TUBGCP4: variants seen among roughly 807,000 people sequenced by gnomAD.
TUBGCP4 encodes the protein gamma-tubulin complex component 4.
A neutral mutation model predicts 91.6 loss-of-function variants in TUBGCP4; 54 were observed. The ratio of observed to expected loss-of-function variants is 0.59; its 90% confidence interval spans 0.47 to 0.74. TUBGCP4 has a LOEUF of 0.74. Among genes scored for constraint, TUBGCP4 ranks in the 30% least tolerant of loss-of-function variants. The pLI, the probability that TUBGCP4 is intolerant of heterozygous loss-of-function variation, is 0.00. For missense variants in TUBGCP4, 593 were observed against 800.9 expected (o/e 0.74, Z 3.13); for synonymous variants, 297 against 302.8 (o/e 0.98, Z 0.20).
intron 4 of TUBGCP4, 194 bp from the exon 5 acceptor site, chr15:43,377,653 C>T (rs918609219): frequency 1.2e-5 from 6 of 515,062 alleles, no homozygotes; most frequent in African/African-American, 6.2e-5. Flanking sequence ...AAGAAACTGC[C>T]TCTCTCTGCC....
chr15:43,375,567 CTAAA>C (rs1490135498), intron 1 of TUBGCP4, among the ~76,000 whole-genome samples: 4 of 152,032 alleles, frequency 2.6e-5, no homozygotes, highest in Non-Finnish European at 5.9e-5. Context: ...AATATGGACA[CTAAA>C]TATATATGGC....
Position 43,377,828 on chromosome 15 carries a change from A to G in TUBGCP4, c.385-19A>G. On this transcript the variant is annotated intron_variant, in intron 4 of 17. Transcript: ENST00000564079. Reference sequence around the variant, plus strand: ...TTACATTTGATTACATACCCTTCTAATTATTCTCTACTTTGCAGTTCCAGC... The same window carrying G: ...TTACATTTGATTACATACCCTTCTAGTTATTCTCTACTTTGCAGTTCCAGC... The G allele has an allele frequency of 6.3e-7, 1 of 1,584,068 alleles. No individual in the cohort carries two copies. The highest frequency in any genetic ancestry group is 8.6e-7 in the Non-Finnish European group (1 of 1,163,896).
At chr15:43,404,897 C>T in intron 17 of TUBGCP4, 2 of 495,594 alleles carry the variant, frequency 4.0e-6, no homozygotes, top group Non-Finnish European at 7.1e-6. Flanking sequence ...CTAGCTTCCG[C>T]ATCTGTGAAA....
Position 43,403,781 on chromosome 15 carries a change from G to C in TUBGCP4, c.1830G>C (p.Gln610His). 3.1e-6 allele frequency: 5 copies of C among 1,613,902 alleles called. No individual in the cohort carries two copies. Among genetic ancestry groups the C allele is most frequent in the Non-Finnish European group, 4.2e-6 (5 of 1,179,878 alleles). ...LGPLDERGAAQLSILVKGFSR... is the reference protein window; with the variant it reads ...LGPLDERGAAHLSILVKGFSR... Reference sequence around the variant, plus strand: ...CACTGGATGAGCGTGGAGCCGCCCAGCTGAGCATTCTCGTGAAGGTGCGTC... The same window carrying C: ...CACTGGATGAGCGTGGAGCCGCCCACCTGAGCATTCTCGTGAAGGTGCGTC... The change falls in exon 16 of 18, where the codon CAG becomes CAC. Residue 610 changes from glutamine to histidine, a missense_variant. Transcript: ENST00000564079.
chr15:43,371,426 C>T lies in TUBGCP4; in HGVS notation c.72C>T (p.Gly24=), dbSNP rs760985266. Residue 24 remains glycine (G), a synonymous_variant, in exon 1 of 18, where the codon GGC becomes GGT. Transcript: ENST00000564079. ...TTTTCACCTGGAACAAGCGGAGTGG[C>T]CTGCAGGTACTGTCCGGCGCAGAGC... The part of the protein sequence containing the change: ...GSIFTWNKRS[G]LQVSQDFPFL... 42 of 1,613,910 alleles carry T rather than the reference C, an allele frequency of 2.6e-5. No individual in the cohort carries two copies. Among genetic ancestry groups the T allele is most frequent in the Non-Finnish European group, 3.2e-5 (38 of 1,179,992 alleles).
intron 11 of TUBGCP4, 149 bp from the exon 12 acceptor site, chr15:43,397,065 G>T: frequency 1.5e-6 from 1 of 658,268 alleles, no homozygotes; most frequent in Non-Finnish European, 2.8e-6. Context: ...AAGAAGAGAA[G>T]GATGGATGGG....
chr15:43,406,626 T>TAGAG lies in TUBGCP4; in HGVS notation c.*1414_*1417dup, dbSNP rs1481223418. Reference sequence around the variant, plus strand: ...AAAAAAACCTTGTTGACCCCTGCTTTAGAGAATGAGAAGCCATGCAGGGAT... The same window carrying TAGAG: ...AAAAAAACCTTGTTGACCCCTGCTTTAGAGAGAGAATGAGAAGCCATGCAGGGAT... On this transcript the variant is annotated 3_prime_UTR_variant, in exon 18 of 18. Transcript: ENST00000564079. 4.4e-6 allele frequency: 2 copies of TAGAG among 456,024 alleles called. No individual in the cohort carries two copies. Among genetic ancestry groups the TAGAG allele is most frequent in the East Asian group, 1.4e-4 (2 of 14,398 alleles). 28.2% of individuals were successfully genotyped at this position (456,024 alleles called of 1,614,324 possible).
chr15:43,379,747 A>G (rs1488718778), intron 5 of TUBGCP4, among the ~76,000 whole-genome samples: 1 of 152,220 alleles, frequency 6.6e-6, no homozygotes, highest in Non-Finnish European at 1.5e-5. Context: ...TGAAATAAAA[A>G]GCTTTCCTTG....
At chr15:43,377,479 C>T (rs535687160) in intron 4 of TUBGCP4, 13 of 292,062 alleles carry the variant, frequency 4.5e-5, no homozygotes, top group South Asian at 1.9e-4. Context: ...AAAAATTAGT[C>T]GGTTGTGGTG....
intron 5 of TUBGCP4, among the ~76,000 whole-genome samples, chr15:43,378,657 A>G (rs1235091532): frequency 6.6e-6 from 1 of 152,222 alleles, no homozygotes; most frequent in Non-Finnish European, 1.5e-5. Context: ...GTGCTCTGCT[A>G]TGTTCATGCT....
At chr15:43,371,494 C>G in intron 1 of TUBGCP4, 62 bp downstream of exon 1, 1 of 1,554,870 alleles carries the variant, frequency 6.4e-7, no homozygotes, top group Non-Finnish European at 8.8e-7. Context: ...GAGCCAGCGC[C>G]TGGGGGAGTA....
rs1478373063 is a variant in TUBGCP4 at position 43,408,857 on chromosome 15, C to T, written c.*3643C>T. On this transcript the variant is annotated 3_prime_UTR_variant, in exon 18 of 18. Coordinates refer to ENST00000564079, the MANE Select transcript of TUBGCP4 (RefSeq NM_014444.5). ...TCTCTTCCCTCCAAAGCTTGCTGTC[C>T]TCCTGCCTATACAATTCTGGATGGG... 4 of 1,595,976 alleles carry T rather than the reference C, an allele frequency of 2.5e-6. No individual in the cohort carries two copies. The highest frequency in any genetic ancestry group is 3.4e-6 in the Non-Finnish European group (4 of 1,163,978).
intron 6 of TUBGCP4, among the ~76,000 whole-genome samples, chr15:43,381,598 G>A (rs2044286237): frequency 6.6e-6 from 1 of 152,004 alleles, no homozygotes; most frequent in Non-Finnish European, 1.5e-5. Flanking sequence ...TTAGCCAGGT[G>A]TGGTGCCTGC....
intron 9 of TUBGCP4, chr15:43,394,872 C>T: frequency 1.9e-6 from 1 of 513,470 alleles, no homozygotes; most frequent in Admixed American, 3.4e-5. Flanking sequence ...GCTTCCTGTG[C>T]AGCCTGCAGA....
Position 43,408,327 on chromosome 15 carries a change from A to C in TUBGCP4, c.*3113A>C. On this transcript the variant is annotated 3_prime_UTR_variant, in exon 18 of 18. Transcript: ENST00000564079. ...ACCCCATCTCTACAAAAGACAACAAAAAAATTAGCTGGGTGTGGTGGCGAG... is the reference window on the plus strand; with the variant it reads ...ACCCCATCTCTACAAAAGACAACAACAAAATTAGCTGGGTGTGGTGGCGAG... 2.5e-6 allele frequency: 1 copy of C among 408,156 alleles called. No homozygotes were observed. Among genetic ancestry groups the C allele is most frequent in the Non-Finnish European group, 4.5e-6 (1 of 223,976 alleles). 25.3% of individuals were successfully genotyped at this position (408,156 alleles called of 1,614,324 possible). A position where few individuals can be genotyped will look rare whatever the true frequency, so the allele number is the denominator to read the frequency against.
Position 43,407,933 on chromosome 15 carries a change from T to G in TUBGCP4, c.*2719T>G. On this transcript the variant is annotated 3_prime_UTR_variant, in exon 18 of 18. Coordinates refer to ENST00000564079, the MANE Select transcript of TUBGCP4 (RefSeq NM_014444.5). ...TGGAACAAAGACACTACACACACTC[T>G]TTCAGGTACCTTTGTTATGGGCACT... is the stretch of plus-strand genomic sequence containing the variant. 6.2e-7 allele frequency: 1 copy of G among 1,609,234 alleles called. No homozygotes were observed. Among genetic ancestry groups the G allele is most frequent in the Non-Finnish European group, 8.5e-7 (1 of 1,179,300 alleles).
intron 9 of TUBGCP4, among the ~76,000 whole-genome samples, chr15:43,386,725 C>CAAAAAAAAAA (rs10718458): frequency 3.0e-5 from 2 of 67,012 alleles, no homozygotes; most frequent in African/African-American, 5.7e-5. Context: ...ACTCTGTCTC[C>CAAAAAAAAAA]AAAAAAAAAA....
At chr15:43,398,006 AT>A (rs1456001432) in intron 12 of TUBGCP4, 34 bp from the exon 13 acceptor site, 2 of 1,587,668 alleles carry the variant, frequency 1.3e-6, no homozygotes, top group Non-Finnish European at 1.7e-6. Context: ...CCAAGTTGTT[AT>A]CTTTTCTTTT....
intron 14 of TUBGCP4, among the ~76,000 whole-genome samples, chr15:43,400,955 G>A (rs2044667129): frequency 6.6e-6 from 1 of 151,340 alleles, no homozygotes; most frequent in South Asian, 2.1e-4. Context: ...TGATCCTCCT[G>A]CCTTTGCCTC....
Sources: allele counts gnomAD v4.1 joint callset (sites outside exome capture counted in the v4.1 genomes callset), GRCh38; gene constraint gnomAD v4.1.1; transcripts MANE v1.5; gene names NCBI Gene and HGNC (gene_info 2026-07-23, HGNC 2026-07-21).